The following CFAP47 variants were observed in gnomAD, a reference collection of about 807,000 sequenced individuals.
CFAP47 encodes the protein cilia- and flagella-associated protein 47.
In CFAP47, 29 loss-of-function variants were observed where a neutral mutation model predicts 148.1. That is an observed-to-expected ratio of 0.20 (90% CI 0.15 to 0.27). The LOEUF is 0.27. CFAP47 is among the 10% of genes least tolerant of loss of function. CFAP47 has a pLI of 1.00. For synonymous variants in CFAP47, 664 were observed against 577.3 expected, an observed-to-expected ratio of 1.15 and a Z score of -2.15; for missense variants, 1,872 against 1,697.5, an observed-to-expected ratio of 1.10 and a Z score of -1.81.
At chrX:36,380,326 AT>A (rs1216716103) in intron 63 of CFAP47, among the ~76,000 whole-genome samples, 2 of 113,070 alleles carry the variant, frequency 1.8e-5, no homozygotes, top group African/African-American at 3.2e-5. Flanking sequence ...AATATTGAAT[AT>A]TGTTTGAGGA....
chrX:36,136,722 C>T (rs952749820), intron 33 of CFAP47, among the ~76,000 whole-genome samples: 1 of 111,042 alleles, frequency 9.0e-6, no homozygotes, highest in Non-Finnish European at 1.9e-5. Flanking sequence ...TACATATACT[C>T]TTTATTTGCC....
chrX:35,940,806 T>C (rs1174270252), intron 2 of CFAP47, among the ~76,000 whole-genome samples: 5 of 111,688 alleles, frequency 4.5e-5, no homozygotes, highest in African/African-American at 1.6e-4. Context: ...TGTAACCTTA[T>C]ATGGTTTGTA....
intron 4 of CFAP47, among the ~76,000 whole-genome samples, chrX:35,949,320 TTAGTTTGTATTTTAGAAAGGTCCTCC>T (rs1451659877): frequency 9.0e-6 from 1 of 111,222 alleles, no homozygotes; most frequent in Admixed American, 9.6e-5. Context: ...AGTGTCATGA[TTAGTTTGTATTTTAGAAAGGTCCTCC>T]TAGTGGCAGT....
At chrX:36,098,963 C>G (rs893905127) in intron 31 of CFAP47, 89 bp downstream of exon 31, 3 of 395,766 alleles carry the variant, frequency 7.6e-6, no homozygotes, top group Non-Finnish European at 8.5e-6. Flanking sequence ...CTACTTCAGA[C>G]TGTTGAGTTT....
chrX:36,222,794 GTACA>G lies in CFAP47; in HGVS notation c.6818-5832_6818-5829del, dbSNP rs782275539. ...GAGTATTTGTGATTCAGATACTCATGTACATGCCTACAAAAATATAATAATATAA... is the reference window on the plus strand; with the variant it reads ...GAGTATTTGTGATTCAGATACTCATGTGCCTACAAAAATATAATAATATAA... On this transcript the variant is annotated intron_variant, in intron 45 of 63. Transcript: ENST00000378653. Among the ~76,000 whole-genome samples the G allele has an allele frequency of 7.0e-3, 774 of 110,915 alleles. 4 individuals are homozygous for G. The highest frequency in any genetic ancestry group is 0.024 in the African/African-American group (732 of 30,605).
chrX:36,035,210 C>T (rs991112446), intron 23 of CFAP47, among the ~76,000 whole-genome samples: 1 of 111,604 alleles, frequency 9.0e-6, no homozygotes, highest in African/African-American at 3.2e-5. Flanking sequence ...ATTGCTGACA[C>T]GTTTATCACC....
intron 49 of CFAP47, among the ~76,000 whole-genome samples, chrX:36,257,492 A>G (rs1940767551): frequency 9.3e-6 from 1 of 107,445 alleles, no homozygotes; most frequent in South Asian, 4.1e-4. Context: ...TGGTGTGAAC[A>G]TGGCTTACTG....
chrX:36,272,308 G>A (rs781879416), intron 49 of CFAP47, among the ~76,000 whole-genome samples: 10 of 110,902 alleles, frequency 9.0e-5, no homozygotes, highest in African/African-American at 3.0e-4. Context: ...GATAGCAAAG[G>A]TCATGGCAAC....
At chrX:36,128,978 T>C (rs912867501) in intron 33 of CFAP47, among the ~76,000 whole-genome samples, 108 of 109,987 alleles carry the variant, frequency 9.8e-4, no homozygotes, top group African/African-American at 3.4e-3. Context: ...CCTTAAACAA[T>C]TGCCTGGAGA....
intron 49 of CFAP47, among the ~76,000 whole-genome samples, chrX:36,255,904 T>C (rs1569301111): frequency 1.8e-5 from 2 of 111,915 alleles, no homozygotes; most frequent in South Asian, 7.5e-4. Flanking sequence ...AATGACAATA[T>C]AGAATAAGTA....
At chrX:36,140,485 A>G (rs977368478) in intron 35 of CFAP47, among the ~76,000 whole-genome samples, 3 of 110,249 alleles carry the variant, frequency 2.7e-5, no homozygotes, top group African/African-American at 1.0e-4. Context: ...AAAAATGTAG[A>G]AAAGTTGTCC....
chrX:36,071,681 T>C, intron 27 of CFAP47, 144 bp from the exon 28 acceptor site: 1 of 359,209 alleles, frequency 2.8e-6, no homozygotes, highest in Non-Finnish European at 4.4e-6. Context: ...GTGTTTAGAC[T>C]TTTTTTTTAC....
chrX:36,070,629 C>G (rs1937732058), intron 27 of CFAP47, among the ~76,000 whole-genome samples: 1 of 109,121 alleles, frequency 9.2e-6, no homozygotes, highest in Admixed American at 9.8e-5. Flanking sequence ...GTAGCTGGGA[C>G]TATAGGCACG....
In CFAP47 at chrX:36,251,349, C is replaced by T. The variant is rs1555998193; in HGVS notation, c.7349C>T (p.Pro2450Leu). ...ALTFKVTADL[P>L]IVWGNPQITV... The stretch of plus-strand genomic sequence containing the variant: ...CTCTTATAGGTAACTGCAGATCTTC[C>T]AATAGTGTGGGGAAATCCACAAATT... Residue 2450 changes from proline to leucine, a missense_variant, in exon 49 of 64, where the codon CCA (proline) becomes CTA (leucine). Coordinates refer to ENST00000378653, the MANE Select transcript of CFAP47 (RefSeq NM_001304548.2). 2.0e-6 allele frequency: 1 copy of T among 503,399 alleles called. No individual in the cohort carries two copies. Among genetic ancestry groups the T allele is most frequent in the African/African-American group, 2.3e-5 (1 of 43,240 alleles). The allele number at this position is 503,399 out of a possible 1,213,427, so 41.5% of individuals were successfully genotyped here. A position where few individuals can be genotyped will look rare whatever the true frequency, so the allele number is the denominator to read the frequency against.
At chrX:36,227,415 G>A (rs1343157726) in intron 45 of CFAP47, among the ~76,000 whole-genome samples, 1 of 111,440 alleles carries the variant, frequency 9.0e-6, no homozygotes, top group Admixed American at 9.6e-5. Flanking sequence ...TGGAATATAT[G>A]CTATATAATA....
intron 47 of CFAP47, 37 bp downstream of exon 47, chrX:36,236,114 A>G (rs1420820004): frequency 4.8e-6 from 2 of 416,236 alleles, no homozygotes; most frequent in African/African-American, 2.5e-5. Context: ...GTATTAATTA[A>G]TAGTATCATT....
At chrX:35,971,481 G>A (rs1936489546) in intron 11 of CFAP47, 105 bp from the exon 12 acceptor site, 2 of 499,206 alleles carry the variant, frequency 4.0e-6, no homozygotes, top group Non-Finnish European at 6.3e-6. Flanking sequence ...GTGGATATGA[G>A]TGAGGCAGCA....
At chrX:36,135,162 T>C (rs1939022318) in intron 33 of CFAP47, among the ~76,000 whole-genome samples, 1 of 110,236 alleles carries the variant, frequency 9.1e-6, no homozygotes, top group African/African-American at 3.3e-5. Flanking sequence ...GAGTGAGGGA[T>C]AAAAGGCTAC....
intron 37 of CFAP47, among the ~76,000 whole-genome samples, chrX:36,156,633 TA>T (rs760966306): frequency 2.3e-4 from 24 of 104,522 alleles, no homozygotes; most frequent in East Asian, 1.7e-3. Flanking sequence ...AGGTTTTTTT[TA>T]AAAAAAAATC....
Sources: allele counts gnomAD v4.1 joint callset (sites outside exome capture counted in the v4.1 genomes callset), GRCh38; gene constraint gnomAD v4.1.1; transcripts MANE v1.5; gene names NCBI Gene and HGNC (gene_info 2026-07-23, HGNC 2026-07-21).